The following HECW1 variants were observed in gnomAD, a reference collection of about 807,000 sequenced individuals.
The protein encoded by HECW1 is E3 ubiquitin-protein ligase HECW1.
In HECW1, 61 loss-of-function variants were observed where a neutral mutation model predicts 182.3. The observed-to-expected ratio is 0.33, with a 90% CI of 0.27 to 0.41. The LOEUF (loss-of-function observed/expected upper bound fraction) is 0.41. HECW1 is among the 10% of genes least tolerant of loss of function. The probability of loss-of-function intolerance (pLI) is 1.00; values close to 1 mark genes in which losing one functional copy is unlikely to be tolerated. For missense variants in HECW1, 1,739 were observed against 2,108.9 expected (o/e 0.82, Z 3.44); for synonymous variants, 859 against 832.6 (o/e 1.03, Z -0.55).
At chr7:43,421,157 TACG>T (rs1444323767) in intron 8 of HECW1, among the ~76,000 whole-genome samples, 1 of 152,250 alleles carries the variant, frequency 6.6e-6, no homozygotes, top group Non-Finnish European at 1.5e-5. Flanking sequence ...ATCATCGTTT[TACG>T]ACAATAGTGC....
chr7:43,396,365 A>C (rs2075231263), intron 6 of HECW1, among the ~76,000 whole-genome samples: 1 of 152,228 alleles, frequency 6.6e-6, no homozygotes, highest in African/African-American at 2.4e-5. Context: ...AGTTTCCTGG[A>C]AATCCCTAAA....
intron 2 of HECW1, among the ~76,000 whole-genome samples, chr7:43,167,251 A>G (rs1184207675): frequency 6.6e-6 from 1 of 152,028 alleles, no homozygotes; most frequent in Admixed American, 6.5e-5. Flanking sequence ...TTGTGGCCAC[A>G]TAACTCCAGC....
At chr7:43,223,790 G>A (rs1023254112) in intron 2 of HECW1, among the ~76,000 whole-genome samples, 5 of 152,086 alleles carry the variant, frequency 3.3e-5, no homozygotes, top group Non-Finnish European at 5.9e-5. Context: ...CTGGGTCTCC[G>A]CTCTGGCCAC....
At chr7:43,124,523 C>G (rs536186375) in intron 2 of HECW1, among the ~76,000 whole-genome samples, 1 of 152,194 alleles carries the variant, frequency 6.6e-6, no homozygotes, top group South Asian at 2.1e-4. Flanking sequence ...TGTGAGCACA[C>G]ATCTCCCAGG....
intron 3 of HECW1, among the ~76,000 whole-genome samples, chr7:43,300,577 A>G (rs1003014531): frequency 6.6e-6 from 1 of 152,200 alleles, no homozygotes; most frequent in African/African-American, 2.4e-5. Flanking sequence ...GCTAACGGCC[A>G]TGCCTGCTTC....
In HECW1 at chr7:43,115,299, CTTTTTTT is replaced by C. The variant is rs34686016; in HGVS notation, c.-32+918_-32+924del. 2.1e-3 allele frequency among the ~76,000 whole-genome samples: 286 copies of C among 138,174 alleles called. 2 individuals are homozygous for C. The highest frequency in any genetic ancestry group is 7.4e-3 in the African/African-American group (274 of 36,994). 90.6% of individuals were successfully genotyped at this position (138,174 alleles called of 152,430 possible). A position where few individuals can be genotyped will look rare whatever the true frequency, so the allele number is the denominator to read the frequency against. On this transcript the variant is annotated intron_variant, in intron 2 of 29. Coordinates refer to ENST00000395891, the MANE Select transcript of HECW1 (RefSeq NM_015052.5). ...AAATTACTCACCAACTCAAACAGGTCTTTTTTTTTTTTTTTTGTCCACTATAGCAAAA... is the reference window on the plus strand; with the variant it reads ...AAATTACTCACCAACTCAAACAGGTCTTTTTTTTTGTCCACTATAGCAAAA...
At chr7:43,491,448 T>C (rs548989097) in intron 17 of HECW1, among the ~76,000 whole-genome samples, 147 of 152,304 alleles carry the variant, frequency 9.7e-4, no homozygotes, top group African/African-American at 3.4e-3. Flanking sequence ...CATTATACAT[T>C]TGGTACTAAA....
intron 8 of HECW1, among the ~76,000 whole-genome samples, chr7:43,427,354 A>C (rs987951604): frequency 6.6e-6 from 1 of 152,224 alleles, no homozygotes; most frequent in Non-Finnish European, 1.5e-5. Context: ...CCTTTGAGAC[A>C]TCTAACAGTA....
intron 2 of HECW1, among the ~76,000 whole-genome samples, chr7:43,125,041 G>C (rs1168790828): frequency 6.6e-6 from 1 of 152,160 alleles, no homozygotes; most frequent in African/African-American, 2.4e-5. Context: ...ATCCAACCCA[G>C]TGTGGTCGGG....
At chr7:43,298,279 A>T (rs988093424) in intron 3 of HECW1, among the ~76,000 whole-genome samples, 6 of 152,236 alleles carry the variant, frequency 3.9e-5, no homozygotes, top group African/African-American at 1.4e-4. Flanking sequence ...TGGAGTTATT[A>T]AATTTTCACG....
At chr7:43,164,605 G>A (rs1790902777) in intron 2 of HECW1, among the ~76,000 whole-genome samples, 3 of 152,328 alleles carry the variant, frequency 2.0e-5, no homozygotes, top group East Asian at 1.9e-4. Flanking sequence ...TGAGGGTCAG[G>A]CCCCTGCAGG....
chr7:43,535,426 G>C (rs1020694451), intron 24 of HECW1, among the ~76,000 whole-genome samples: 9 of 152,132 alleles, frequency 5.9e-5, no homozygotes, highest in Non-Finnish European at 1.3e-4. Flanking sequence ...CTTCAGCGTA[G>C]GTCAAGTTCA....
At chr7:43,135,129 T>G (rs1413916268) in intron 2 of HECW1, among the ~76,000 whole-genome samples, 2 of 152,176 alleles carry the variant, frequency 1.3e-5, no homozygotes, top group African/African-American at 4.8e-5. Flanking sequence ...TTCCCTCTCT[T>G]TTTTCACTTA....
At chr7:43,360,215 C>CT (rs5883864) in intron 5 of HECW1, among the ~76,000 whole-genome samples, 47,622 of 141,916 alleles carry the variant, frequency 0.34, 9,020 homozygotes, top group African/African-American at 0.54. Flanking sequence ...ATAGAACTTT[C>CT]TTTTTTTTTT....
intron 3 of HECW1, among the ~76,000 whole-genome samples, chr7:43,307,232 G>A (rs1021947593): frequency 9.9e-5 from 15 of 152,114 alleles, no homozygotes; most frequent in African/African-American, 2.9e-4. Context: ...CTAGGGCCAC[G>A]TGATTACAAC....
Position 43,130,994 on chromosome 7 carries a change from G to A in HECW1, c.-32+16603G>A, listed in dbSNP as rs1786855065. On this transcript the variant is annotated intron_variant, in intron 2 of 29. Transcript: ENST00000395891. Reference sequence around the variant, plus strand: ...TATAAAATTTTATTTGGCTGAGCATGGTGGCTCAGACCTGTAATCCTAACA... The same window carrying A: ...TATAAAATTTTATTTGGCTGAGCATAGTGGCTCAGACCTGTAATCCTAACA... Among the ~76,000 whole-genome samples the A allele has an allele frequency of 2.0e-5, 3 of 152,150 alleles. No individual in the cohort carries two copies. In the South Asian group the frequency reaches 6.2e-4, roughly 32 times the overall value.
chr7:43,355,627 A>G (rs1373235295), intron 5 of HECW1, among the ~76,000 whole-genome samples: 1 of 152,192 alleles, frequency 6.6e-6, no homozygotes, highest in African/African-American at 2.4e-5. Flanking sequence ...GCAAAAAAAC[A>G]TACTACCAGA....
intron 6 of HECW1, among the ~76,000 whole-genome samples, chr7:43,361,304 T>C (rs1815877088): frequency 6.6e-6 from 1 of 152,232 alleles, no homozygotes; most frequent in South Asian, 2.1e-4. Context: ...AAGAAGCCTT[T>C]TCTTTGGATC....
intron 26 of HECW1, among the ~76,000 whole-genome samples, chr7:43,550,024 C>T (rs1197405008): frequency 6.6e-6 from 1 of 151,994 alleles, no homozygotes; most frequent in African/African-American, 2.4e-5. Flanking sequence ...GGTGCAGTGG[C>T]TCCCAATACT....
Sources: allele counts gnomAD v4.1 joint callset (sites outside exome capture counted in the v4.1 genomes callset), GRCh38; gene constraint gnomAD v4.1.1; transcripts MANE v1.5; gene names NCBI Gene and HGNC (gene_info 2026-07-23, HGNC 2026-07-21).